GLRA2: variants seen among roughly 807,000 people sequenced by gnomAD.
The protein encoded by GLRA2 is glycine receptor alpha 2, also known as glycine receptor subunit alpha-2.
A neutral mutation model predicts 31.6 loss-of-function variants in GLRA2; 11 were observed. The observed-to-expected ratio is 0.35, with a 90% CI of 0.22 to 0.58. The LOEUF (loss-of-function observed/expected upper bound fraction) is 0.58, where lower values mean the gene tolerates loss of function less well. GLRA2 is among the 20% of genes least tolerant of loss of function. The pLI is 0.84. For missense variants in GLRA2, 212 were observed against 351.8 expected, an observed-to-expected ratio of 0.60 and a Z score of 3.18; for synonymous variants, 132 against 134.0, an observed-to-expected ratio of 0.99 and a Z score of 0.10.
chrX:14,686,423 C>G (rs747093631), intron 7 of GLRA2, among the ~76,000 whole-genome samples: 10 of 111,212 alleles, frequency 9.0e-5, no homozygotes, highest in African/African-American at 2.9e-4. Context: ...GTGTTAAAGT[C>G]TCCCATTATT....
rs756622037 is a variant in GLRA2 at position 14,729,806 on chromosome X, CTGAA to C, written c.1081-378_1081-375del. Among the ~76,000 whole-genome samples the C allele has an allele frequency of 5.6e-4, 62 of 111,131 alleles. 1 individual carries two copies. Among genetic ancestry groups the C allele is most frequent in the Middle Eastern group, 4.7e-3 (1 of 215 alleles). ...ACAGCACAGGCTCAGTAAATGTTTT[CTGAA>C]TGAATGAATGAATGAATGAATGGTC... is the stretch of plus-strand genomic sequence containing the variant. On this transcript the variant is annotated intron_variant, in intron 8 of 8. Coordinates refer to ENST00000218075, the MANE Select transcript of GLRA2 (RefSeq NM_002063.4).
Position 14,629,194 on chromosome X carries a change from G to T in GLRA2, c.930+19989G>T, listed in dbSNP as rs2090618791. Among the ~76,000 whole-genome samples, 4 of 111,422 alleles carry T rather than the reference G, an allele frequency of 3.6e-5. No individual in the cohort carries two copies. In the South Asian group the frequency reaches 1.1e-3, roughly 32 times the overall value. Reference sequence around the variant, plus strand: ...CTTGACCGAAGGACAACACATCAGGGTTGGAAGGAATTGGGGCTTTGAGTA... The same window carrying T: ...CTTGACCGAAGGACAACACATCAGGTTTGGAAGGAATTGGGGCTTTGAGTA... On this transcript the variant is annotated intron_variant, in intron 7 of 8. Coordinates refer to ENST00000218075, the MANE Select transcript of GLRA2 (RefSeq NM_002063.4).
Position 14,607,191 on chromosome X carries a change from C to T in GLRA2, c.638C>T (p.Ala213Val). The T allele has an allele frequency of 1.7e-6, 2 of 1,186,311 alleles. No individual in the cohort carries two copies. The highest frequency in any genetic ancestry group is 2.3e-6 in the Non-Finnish European group (2 of 873,361). The change falls in exon 6 of 9, where the codon GCT becomes GTT. Residue 213 changes from alanine to valine, a missense_variant. By Grantham distance (64) the Ala-to-Val change is moderately conservative. This residue lies in a region of GLRA2 where 110 missense variants were observed against 232.6 expected (regional missense o/e 0.47). Transcript: ENST00000218075. ...EWLSDGPVQV[A>V]EGLTLPQFIL... ...TTAAGTGATGGTCCAGTGCAAGTTG[C>T]TGAAGGATTGACCCTGCCCCAGTTT...
chrX:14,530,800 C>T (rs952361638), intron 1 of GLRA2, among the ~76,000 whole-genome samples: 2 of 111,465 alleles, frequency 1.8e-5, no homozygotes, highest in African/African-American at 3.3e-5. Flanking sequence ...ACATGGTTTA[C>T]GAATAGTTGC....
At chrX:14,460,051 A>G in the GLRA2 span, among the ~76,000 whole-genome samples, 1 of 111,988 alleles carries the variant, frequency 8.9e-6, no homozygotes. Context: ...CATTCCATCA[A>G]TACCTAGTTT....
intron 4 of GLRA2, among the ~76,000 whole-genome samples, chrX:14,595,350 T>C (rs1034085449): frequency 8.9e-6 from 1 of 111,911 alleles, no homozygotes; most frequent in Non-Finnish European, 1.9e-5. Flanking sequence ...CAAGGATATA[T>C]TGGGACCTTT....
At chrX:14,620,485 T>G (rs1313072373) in intron 7 of GLRA2, among the ~76,000 whole-genome samples, 1 of 110,960 alleles carries the variant, frequency 9.0e-6, no homozygotes, top group Non-Finnish European at 1.9e-5. Flanking sequence ...TAGCAAGAAC[T>G]GAGTAAGGTT....
At chrX:14,604,771 CTT>C (rs1185671270) in intron 5 of GLRA2, among the ~76,000 whole-genome samples, 1 of 110,355 alleles carries the variant, frequency 9.1e-6, no homozygotes, top group Non-Finnish European at 1.9e-5. Flanking sequence ...GTGAATCACT[CTT>C]TAATCAGAAA....
chrX:14,479,724 A>G, the GLRA2 span, among the ~76,000 whole-genome samples: 1 of 111,621 alleles, frequency 9.0e-6, no homozygotes, highest in East Asian at 2.8e-4. Context: ...TTATGGCTGC[A>G]TAGTATTCCA....
At chrX:14,666,944 T>A (rs2091043318) in intron 7 of GLRA2, among the ~76,000 whole-genome samples, 1 of 112,289 alleles carries the variant, frequency 8.9e-6, no homozygotes. Flanking sequence ...AATCATCTAT[T>A]CTCTTGTATT....
At chrX:14,621,410 ATG>A (rs1206234122) in intron 7 of GLRA2, among the ~76,000 whole-genome samples, 2 of 111,185 alleles carry the variant, frequency 1.8e-5, no homozygotes, top group South Asian at 7.6e-4. Context: ...CATATGCACA[ATG>A]TGCAGGTTTG....
At chrX:14,593,391 A>G (rs1037452033) in intron 4 of GLRA2, among the ~76,000 whole-genome samples, 11 of 112,248 alleles carry the variant, frequency 9.8e-5, no homozygotes, top group Admixed American at 1.9e-4. Flanking sequence ...CACATGAGAT[A>G]TACTCTCAGA....
chrX:14,596,802 C>T (rs2090210452), intron 4 of GLRA2, among the ~76,000 whole-genome samples: 1 of 111,461 alleles, frequency 9.0e-6, no homozygotes, highest in African/African-American at 3.3e-5. Flanking sequence ...TTAAAGTGTG[C>T]TCCAGGAAAC....
chrX:14,555,761 C>T (rs2089634368), intron 2 of GLRA2, among the ~76,000 whole-genome samples: 1 of 112,154 alleles, frequency 8.9e-6, no homozygotes, highest in Admixed American at 9.5e-5. Context: ...GGCCGATTAA[C>T]TGGGTTAAAA....
intron 8 of GLRA2, among the ~76,000 whole-genome samples, chrX:14,716,664 A>G (rs1356401497): frequency 9.0e-6 from 1 of 111,683 alleles, no homozygotes; most frequent in Non-Finnish European, 1.9e-5. Context: ...AGGGCTACAG[A>G]GTTAATTTTG....
At chrX:14,634,981 T>G (rs754622049) in intron 7 of GLRA2, among the ~76,000 whole-genome samples, 1 of 112,078 alleles carries the variant, frequency 8.9e-6, no homozygotes, top group Non-Finnish European at 1.9e-5. Context: ...AAAAGGTTAA[T>G]TAAGTGAATT....
intron 7 of GLRA2, among the ~76,000 whole-genome samples, chrX:14,681,910 A>AATATATATATATATATATAT (rs1556060452): frequency 3.9e-4 from 16 of 41,248 alleles, no homozygotes; most frequent in Non-Finnish European, 5.3e-4. Context: ...AAAAAAAAAA[A>AATATATATATATATATATAT]ATATATATAT....
chrX:14,634,682 G>T (rs1274852533), intron 7 of GLRA2, among the ~76,000 whole-genome samples: 1 of 111,605 alleles, frequency 9.0e-6, no homozygotes, highest in Admixed American at 9.6e-5. Context: ...TCCACTTCAA[G>T]CCCAAACCAT....
At chrX:14,531,087 A>G in intron 1 of GLRA2, 1 of 951,908 alleles carries the variant, frequency 1.1e-6, no homozygotes, top group East Asian at 7.6e-5. Context: ...GCTGGTTTTT[A>G]TTAGAATCAT....
Sources: allele counts gnomAD v4.1 joint callset (sites outside exome capture counted in the v4.1 genomes callset), GRCh38; gene constraint gnomAD v4.1.1; regional missense constraint gnomAD v4.1.1; transcripts MANE v1.5; gene names NCBI Gene and HGNC (gene_info 2026-07-23, HGNC 2026-07-21).